The following ST18 variants were observed in gnomAD, a reference collection of about 807,000 sequenced individuals.
The protein encoded by ST18 is suppression of tumorigenicity 18 protein.
Under a neutral mutation model 110.0 loss-of-function variants are expected in ST18, and 50 were observed. The observed-to-expected ratio is 0.45, with a 90% CI of 0.36 to 0.58. The LOEUF (loss-of-function observed/expected upper bound fraction) is 0.58. Ranked by LOEUF, ST18 falls within the 20% of genes least tolerant of loss-of-function variation. ST18 has a pLI of 0.00. For missense variants in ST18, 1,306 were observed against 1,280.1 expected (o/e 1.02, Z -0.31); for synonymous variants, 461 against 452.4 (o/e 1.02, Z -0.24).
At chr8:52,226,395 C>A (rs1426598914) in intron 3 of ST18, among the ~76,000 whole-genome samples, 2 of 152,176 alleles carry the variant, frequency 1.3e-5, no homozygotes, top group African/African-American at 4.8e-5. Flanking sequence ...ATTAAACTAG[C>A]TTTCCCTCTA....
At chr8:52,242,096 T>C (rs577811378) in intron 2 of ST18, among the ~76,000 whole-genome samples, 83 of 152,330 alleles carry the variant, frequency 5.4e-4, no homozygotes, top group African/African-American at 1.9e-3. Flanking sequence ...ACTTTCAACA[T>C]GGCATTTTCA....
chr8:52,242,910 CTA>C (rs1440994647), intron 2 of ST18, among the ~76,000 whole-genome samples: 1 of 151,706 alleles, frequency 6.6e-6, no homozygotes, highest in African/African-American at 2.4e-5. Flanking sequence ...GTGGTTGGCT[CTA>C]TGTCAGTGCT....
At chr8:52,377,177 A>G (rs554602500) in intron 2 of ST18, among the ~76,000 whole-genome samples, 1 of 152,364 alleles carries the variant, frequency 6.6e-6, no homozygotes, top group South Asian at 2.1e-4. Context: ...AACATGGTTA[A>G]AATATTTCAA....
At chr8:52,208,816 A>AAAATAAAT (rs74780314) in intron 8 of ST18, among the ~76,000 whole-genome samples, 115 of 151,334 alleles carry the variant, frequency 7.6e-4, no homozygotes, top group African/African-American at 1.1e-3. Flanking sequence ...AGGCTTCGCC[A>AAAATAAAT]AAATAAATAA....
intron 2 of ST18, among the ~76,000 whole-genome samples, chr8:52,386,081 A>G (rs1391026135): frequency 2.0e-5 from 3 of 152,234 alleles, no homozygotes; most frequent in Non-Finnish European, 4.4e-5. Context: ...ATACGCAGAC[A>G]TTGATTGTCT....
At chr8:52,347,590 C>T (rs1023510997) in intron 2 of ST18, among the ~76,000 whole-genome samples, 3 of 151,920 alleles carry the variant, frequency 2.0e-5, no homozygotes, top group African/African-American at 7.3e-5. Context: ...GTTGGTGAGC[C>T]AATAGATATT....
intron 3 of ST18, among the ~76,000 whole-genome samples, chr8:52,229,085 C>T (rs1156480285): frequency 2.6e-5 from 4 of 152,200 alleles, no homozygotes; most frequent in African/African-American, 7.2e-5. Flanking sequence ...CCAATTCTTA[C>T]AGACTATCAG....
At chr8:52,293,652 A>G (rs1423036616) in intron 2 of ST18, among the ~76,000 whole-genome samples, 1 of 151,942 alleles carries the variant, frequency 6.6e-6, no homozygotes, top group Non-Finnish European at 1.5e-5. Context: ...TGTTTTTGTT[A>G]TATTTGCTGC....
At chr8:52,116,732 T>C (rs943509284) in intron 24 of ST18, among the ~76,000 whole-genome samples, 2 of 152,206 alleles carry the variant, frequency 1.3e-5, no homozygotes, top group African/African-American at 4.8e-5. Flanking sequence ...CTCCATCCGC[T>C]GTCTCCCTTT....
chr8:52,135,608 G>GA (rs1168112853), intron 19 of ST18, among the ~76,000 whole-genome samples: 1 of 147,394 alleles, frequency 6.8e-6, no homozygotes, highest in Non-Finnish European at 1.5e-5. Flanking sequence ...AAGAAAAAAG[G>GA]AAAAAAGACA....
chr8:52,168,569 G>A (rs960831743), intron 10 of ST18, among the ~76,000 whole-genome samples: 1 of 152,030 alleles, frequency 6.6e-6, no homozygotes, highest in Non-Finnish European at 1.5e-5. Context: ...AGGATCCTTC[G>A]AGTCGTTCTG....
rs906592226 is a variant in ST18 at position 52,112,234 on chromosome 8, G to A, written c.*964C>T. The stretch of plus-strand genomic sequence containing the variant: ...TATCTACAAAATTTTTCATTTGGAT[G>A]TGTTTGTATTTGCTAAGTACAAATC... On this transcript the variant is annotated 3_prime_UTR_variant, in exon 26 of 26. Coordinates refer to ENST00000689386, the MANE Select transcript of ST18 (RefSeq NM_001352837.2). 1.1e-4 allele frequency: 16 copies of A among 150,926 alleles called. No homozygotes were observed. Among genetic ancestry groups the A allele is most frequent in the African/African-American group, 3.7e-4 (15 of 40,850 alleles). 9.3% of individuals were successfully genotyped at this position (150,926 alleles called of 1,614,324 possible).
intron 18 of ST18, 112 bp downstream of exon 18, chr8:52,137,309 C>T: frequency 1.8e-6 from 2 of 1,114,594 alleles, no homozygotes; most frequent in Admixed American, 2.8e-5. Flanking sequence ...AACCAAAAAC[C>T]CAACCAACTC....
chr8:52,185,730 A>G (rs1051833739), intron 8 of ST18, among the ~76,000 whole-genome samples: 1 of 152,212 alleles, frequency 6.6e-6, no homozygotes. Context: ...TCTGAAAAAG[A>G]GATCCCTCTA....
At chr8:52,214,309 T>C in intron 6 of ST18, 52 bp from the exon 7 acceptor site, 2 of 1,582,158 alleles carry the variant, frequency 1.3e-6, no homozygotes, top group African/African-American at 1.3e-5. Flanking sequence ...TTGACCAAAA[T>C]ATGAAAACAT....
intron 23 of ST18, among the ~76,000 whole-genome samples, chr8:52,119,714 A>G (rs191014478): frequency 2.0e-5 from 3 of 152,336 alleles, no homozygotes; most frequent in East Asian, 3.9e-4. Flanking sequence ...ACCAAAAACA[A>G]CACGGGAGAT....
At chr8:52,228,130 T>C (rs115637965) in intron 3 of ST18, among the ~76,000 whole-genome samples, 276 of 152,312 alleles carry the variant, frequency 1.8e-3, no homozygotes, top group African/African-American at 6.3e-3. Context: ...TTCTCTTATG[T>C]TGAAAACATC....
At chr8:52,132,926 A>T in intron 21 of ST18, 131 bp downstream of exon 21, 1 of 992,860 alleles carries the variant, frequency 1.0e-6, no homozygotes, top group Non-Finnish European at 1.5e-6. Context: ...AAATAGTTTG[A>T]CTCTTGCTTA....
chr8:52,111,224 A>G lies in ST18; in HGVS notation c.*1974T>C. The G allele has an allele frequency of 2.8e-6, 1 of 361,274 alleles. No individual in the cohort carries two copies. Among genetic ancestry groups the G allele is most frequent in the Non-Finnish European group, 4.9e-6 (1 of 202,650 alleles). The allele number at this position is 361,274 out of a possible 1,614,324, so 22.4% of individuals were successfully genotyped here. A position where few individuals can be genotyped will look rare whatever the true frequency, so the allele number is the denominator to read the frequency against. On this transcript the variant is annotated 3_prime_UTR_variant, in exon 26 of 26. Transcript: ENST00000689386. ...ATTTCTTTTAAATTAAATAAAATAT[A>G]TAACAAACTTGTTAAAATATTTAGC... is the stretch of plus-strand genomic sequence containing the variant.
Sources: allele counts gnomAD v4.1 joint callset (sites outside exome capture counted in the v4.1 genomes callset), GRCh38; gene constraint gnomAD v4.1.1; transcripts MANE v1.5; gene names NCBI Gene and HGNC (gene_info 2026-07-23, HGNC 2026-07-21).